Variants in PCDH12 observed in about 807,000 individuals in gnomAD.
PCDH12 encodes the protein protocadherin 12.
PCDH12 carries 45 observed loss-of-function variants against 70.9 expected under a neutral mutation model. The observed-to-expected ratio is 0.63, with a 90% CI of 0.50 to 0.81. The LOEUF (loss-of-function observed/expected upper bound fraction) is 0.81, where lower values mean the gene tolerates loss of function less well. PCDH12 is among the 40% of genes least tolerant of loss of function. PCDH12 has a pLI of 0.00. For synonymous variants in PCDH12, 567 were observed against 626.0 expected, an observed-to-expected ratio of 0.91 and a Z score of 1.41; for missense variants, 1,370 against 1,491.7, an observed-to-expected ratio of 0.92 and a Z score of 1.34.
chr5:141,953,111 A>C (rs1253196542), intron 1 of PCDH12: 1 of 152,214 alleles, frequency 6.6e-6, no homozygotes, highest in Non-Finnish European at 1.5e-5. Flanking sequence ...GACTCCCTAC[A>C]TGCCAAGCCC....
intron 1 of PCDH12, chr5:141,953,453 G>A (rs1010674007): frequency 6.6e-6 from 1 of 152,218 alleles, no homozygotes; most frequent in African/African-American, 2.4e-5. Flanking sequence ...ATTTTGCAGA[G>A]GTGGAATTGG....
rs908733832 is a variant in PCDH12 at position 141,957,384 on chromosome 5, C to T, written c.468G>A (p.Leu156=). 2 of 1,613,652 alleles carry T rather than the reference C, an allele frequency of 1.2e-6. No individual in the cohort carries two copies. Among genetic ancestry groups the T allele is most frequent in the Non-Finnish European group, 1.7e-6 (2 of 1,179,856 alleles). The change falls in exon 1 of 4, where the codon CTG becomes CTA. Residue 156 remains leucine, a synonymous_variant. Transcript: ENST00000231484. The surrounding 1 kb of genome is among the most constrained non-coding windows in gnomAD (Gnocchi z 4.3). ...CTGTGTCTGGGTCAAGAGCTCTGTC[C>T]AGGGGGATCCGGGTTCGCAGAGAGG... is the stretch of plus-strand genomic sequence containing the variant. ...ESASLRTRIP[L]DRALDPDTGP...
Position 141,955,221 on chromosome 5 carries a change from G to A in PCDH12, c.2631C>T (p.Ser877=). ...GGCTGCCTGCAACCTTCAGAGGCCT[G>A]GAACGTGGCTGGCCTGTGGCAGGCT... ...EPQPATGQPR[S]RPLKVAGSPT... is the part of the protein sequence containing the mutation. Residue 877 remains serine, a synonymous_variant, in exon 1 of 4, where the codon TCC becomes TCT. Coordinates refer to ENST00000231484, the MANE Select transcript of PCDH12 (RefSeq NM_016580.4). The surrounding 1 kb of genome is among the most constrained non-coding windows in gnomAD (Gnocchi z 5.5). 1 of 1,614,222 alleles carries A rather than the reference G, an allele frequency of 6.2e-7. No homozygotes were observed. Among genetic ancestry groups the A allele is most frequent in the South Asian group, 1.1e-5 (1 of 91,086 alleles).
rs144161389 is a variant in PCDH12, at chr5:141,955,755, C to T, written c.2097G>A (p.Val699=). 7.6e-5 allele frequency: 122 copies of T among 1,614,034 alleles called. No homozygotes were observed. In the African/African-American group the frequency reaches 1.5e-3, roughly 20 times the overall value. Residue 699 remains valine (V), a synonymous_variant, in exon 1 of 4, where the codon GTG becomes GTA. Transcript: ENST00000231484. This position sits in a 1 kb window ranked among gnomAD's most constrained non-coding sequence, Gnocchi z 5.5. ...ALLRVMFVTS[V]DHLRDSARKP... is the part of the protein sequence containing the mutation. ...TGCGGGCTGAGTCCCTCAGGTGGTCCACACTGGTGACAAACATGACCCTCA... is the reference window on the plus strand; with the variant it reads ...TGCGGGCTGAGTCCCTCAGGTGGTCTACACTGGTGACAAACATGACCCTCA...
At chr5:141,953,857 G>T (rs1383150049) in intron 1 of PCDH12, among the ~76,000 whole-genome samples, 5 of 152,326 alleles carry the variant, frequency 3.3e-5, no homozygotes, top group African/African-American at 1.2e-4. Context: ...ACTGTGTTTT[G>T]CTTCACAGGA....
chr5:141,953,911 G>A (rs1245632105), intron 1 of PCDH12, among the ~76,000 whole-genome samples: 10 of 152,178 alleles, frequency 6.6e-5, no homozygotes, highest in Admixed American at 6.5e-4. Flanking sequence ...TGCCTTGGGC[G>A]GGCAGCCTGG....
Position 141,949,592 on chromosome 5 carries a change from G to A in PCDH12, c.2979-9C>T, listed in dbSNP as rs542359078. 6.2e-7 allele frequency: 1 copy of A among 1,612,450 alleles called. No individual in the cohort carries two copies. The highest frequency in any genetic ancestry group is 2.2e-5 in the East Asian group (1 of 44,860). ...TGTCTGGGATTGCACTCCTGCAAAA[G>A]AAACCAACCAGTCCATGGGTAGGGA... On this transcript the variant is annotated splice_polypyrimidine_tract_variant and intron_variant, in intron 2 of 3. Coordinates refer to ENST00000231484, the MANE Select transcript of PCDH12 (RefSeq NM_016580.4).
rs2126913150 is a variant in PCDH12 at position 141,944,017 on chromosome 5, A to T, written c.*1364T>A. On this transcript the variant is annotated 3_prime_UTR_variant, in exon 4 of 4. Transcript: ENST00000231484. ...AAAGGACAAAAAGAGGAGCAGATAG[A>T]GGAACTTTTGCCTGCAGTGTCCAGG... The T allele has an allele frequency of 6.6e-6, 1 of 152,362 alleles. No individual in the cohort carries two copies. The highest frequency in any genetic ancestry group is 1.9e-4 in the East Asian group (1 of 5,188). 9.4% of individuals were successfully genotyped at this position (152,362 alleles called of 1,614,324 possible).
chr5:141,948,264 G>T (rs924191599), intron 3 of PCDH12, among the ~76,000 whole-genome samples: 1 of 152,156 alleles, frequency 6.6e-6, no homozygotes, highest in Non-Finnish European at 1.5e-5. Context: ...ATTTTCTCAT[G>T]AGGTACTTAG....
Position 141,949,490 on chromosome 5 carries a change from G to A in PCDH12, c.3072C>T (p.Asp1024=), listed in dbSNP as rs1753029186. The A allele has an allele frequency of 1.2e-6, 2 of 1,613,990 alleles. No individual in the cohort carries two copies. Among genetic ancestry groups the A allele is most frequent in the South Asian group, 1.1e-5 (1 of 91,082 alleles). ...QEEGPLDPEE[D]LSVKQLLEEE... is the part of the protein sequence containing the mutation. ...CTTCTAGCAGTTGCTTCACAGAGAGGTCCTCTTCAGGATCCAAAGGCCCTT... is the reference window on the plus strand; with the variant it reads ...CTTCTAGCAGTTGCTTCACAGAGAGATCCTCTTCAGGATCCAAAGGCCCTT... Residue 1024 remains aspartate (D), a synonymous_variant, in exon 3 of 4, where the codon GAC becomes GAT. Coordinates refer to ENST00000231484, the MANE Select transcript of PCDH12 (RefSeq NM_016580.4).
chr5:141,955,278 G>A lies in PCDH12; in HGVS notation c.2574C>T (p.Ala858=). The stretch of plus-strand genomic sequence containing the variant: ...CGGGAAGGTTCAGGTTCTCCCGGGA[G>A]GCATTCCTCTGCCTGGGATGGTTGA... ...LLFNHPRQRN[A]SRENLNLPEP... Residue 858 remains alanine (A), a synonymous_variant, in exon 1 of 4, where the codon GCC becomes GCT. Coordinates refer to ENST00000231484, the MANE Select transcript of PCDH12 (RefSeq NM_016580.4). The surrounding 1 kb of genome is among the most constrained non-coding windows in gnomAD (Gnocchi z 5.5). 4 of 1,614,216 alleles carry A rather than the reference G, an allele frequency of 2.5e-6. No homozygotes were observed. Among genetic ancestry groups the A allele is most frequent in the Non-Finnish European group, 3.4e-6 (4 of 1,180,034 alleles).
At position 141,949,548 on chromosome 5, in the gene PCDH12, CT is replaced by C; in HGVS notation, c.3013del (p.Arg1005GlyfsTer23). 1.2e-6 allele frequency: 2 copies of C among 1,614,176 alleles called. No homozygotes were observed. Among genetic ancestry groups the C allele is most frequent in the Non-Finnish European group, 1.7e-6 (2 of 1,180,020 alleles). On this transcript the variant is annotated frameshift_variant, in exon 3 of 4. Transcript: ENST00000231484. LOFTEE classifies it high-confidence loss of function. Reference sequence around the variant, plus strand: ...TTCTGGGTCTGTCTGGCCTCCAGCCCTTGCACTTGGGCCATCTGTGTCTGGG... The same window carrying C: ...TTCTGGGTCTGTCTGGCCTCCAGCCCTGCACTTGGGCCATCTGTGTCTGGG... ...AIPDTDGPSA[R>X]AGGQTDPEQE...
rs1753155210 is a variant in PCDH12 at position 141,955,125 on chromosome 5, G to A, written c.2727C>T (p.Thr909=). 1.3e-5 allele frequency: 21 copies of A among 1,614,224 alleles called. No individual in the cohort carries two copies. The highest frequency in any genetic ancestry group is 1.8e-5 in the Non-Finnish European group (21 of 1,180,046). ...APQRPPASSA[T]LRRQRHLNGK... ...CATTGAGATGTCGCTGCCGTCTCAG[G>A]GTTGCAGAGGAGGCTGGTGGCCTCT... Residue 909 remains threonine, a synonymous_variant, in exon 1 of 4, where the codon ACC becomes ACT. Coordinates refer to ENST00000231484, the MANE Select transcript of PCDH12 (RefSeq NM_016580.4). The surrounding 1 kb of genome is among the most constrained non-coding windows in gnomAD (Gnocchi z 5.5).
chr5:141,955,376 G>A lies in PCDH12; in HGVS notation c.2476C>T (p.Leu826=). Residue 826 remains leucine, a synonymous_variant, in exon 1 of 4, where the codon CTG becomes TTG. Transcript: ENST00000231484. This position sits in a 1 kb window ranked among gnomAD's most constrained non-coding sequence, Gnocchi z 5.5. ...GCTCCCTGGTTGCCTTGATTACGCA[G>A]CGTCCTGTACAGGGTCGGGGTGAGG... ...FHLTPTLYRT[L]RNQGNQGAPA... The A allele has an allele frequency of 1.2e-6, 2 of 1,614,026 alleles. No individual in the cohort carries two copies. Among genetic ancestry groups the A allele is most frequent in the Non-Finnish European group, 1.7e-6 (2 of 1,180,012 alleles).
At position 141,945,671 on chromosome 5, in the gene PCDH12, T is replaced by C. The variant is rs769351723; in HGVS notation, c.3265A>G (p.Thr1089Ala). 1 of 1,614,192 alleles carries C rather than the reference T, an allele frequency of 6.2e-7. No individual in the cohort carries two copies. Among genetic ancestry groups the C allele is most frequent in the East Asian group, 2.2e-5 (1 of 44,886 alleles). Residue 1089 changes from threonine to alanine, a missense_variant, in exon 4 of 4, where the codon ACG becomes GCG. Transcript: ENST00000231484. ...AATEEPRTFQ[T>A]FGKAEAPELS... ...TCTGGTGCCTCTGCCTTGCCGAACGTCTGGAAGGTCCTTGGCTCCTCCGTG... is the reference window on the plus strand; with the variant it reads ...TCTGGTGCCTCTGCCTTGCCGAACGCCTGGAAGGTCCTTGGCTCCTCCGTG...
chr5:141,952,914 AG>A (rs1301489910), intron 1 of PCDH12: 1 of 152,224 alleles, frequency 6.6e-6, no homozygotes, highest in Admixed American at 6.5e-5. Context: ...AGCTTGAGGT[AG>A]GAAGTGTCAA....
chr5:141,947,168 C>T (rs1752957014), intron 3 of PCDH12, among the ~76,000 whole-genome samples: 2 of 152,250 alleles, frequency 1.3e-5, no homozygotes, highest in South Asian at 4.1e-4. Context: ...GAATCTCTGC[C>T]CTGCATTCTG....
At position 141,956,594 on chromosome 5, in the gene PCDH12, TG is replaced by T; in HGVS notation, c.1257del (p.Asp419GlufsTer13). 1 of 1,614,258 alleles carries T rather than the reference TG, an allele frequency of 6.2e-7. No homozygotes were observed. The highest frequency in any genetic ancestry group is 8.5e-7 in the Non-Finnish European group (1 of 1,180,036). On this transcript the variant is annotated frameshift_variant, in exon 1 of 4. Coordinates refer to ENST00000231484, the MANE Select transcript of PCDH12 (RefSeq NM_016580.4). LOFTEE classifies it high-confidence loss of function. Reference protein sequence around the residue: ...TYMLLTNATLDREQWPKYTLT... With the variant: ...TYMLLTNATLXREQWPKYTLT... ...AGGGTATATTTGGGCCACTGCTCTC[TG>T]TCCAGTGTGGCATTGGTTAGCAACA...
Position 141,945,262 on chromosome 5 carries a change from A to C in PCDH12, c.*119T>G. 8.2e-7 allele frequency: 1 copy of C among 1,217,626 alleles called. No individual in the cohort carries two copies. Among genetic ancestry groups the C allele is most frequent in the Non-Finnish European group, 1.1e-6 (1 of 872,234 alleles). The allele number at this position is 1,217,626 out of a possible 1,614,324, so 75.4% of individuals were successfully genotyped here. A position where few individuals can be genotyped will look rare whatever the true frequency, so the allele number is the denominator to read the frequency against. On this transcript the variant is annotated 3_prime_UTR_variant, in exon 4 of 4. Transcript: ENST00000231484. ...TTGCCTCCTCTGTGGGGGTAGCATC[A>C]GTCACCCTAAAGTTCTCAGGCCGCC...
Sources: allele counts gnomAD v4.1 joint callset (sites outside exome capture counted in the v4.1 genomes callset), GRCh38; gene constraint gnomAD v4.1.1; non-coding constraint Gnocchi (gnomAD v3.1); transcripts MANE v1.5; gene names NCBI Gene and HGNC (gene_info 2026-07-23, HGNC 2026-07-21).